ATRX: variants seen among roughly 807,000 people sequenced by gnomAD.
ATRX encodes ATRX chromatin remodeler.
A neutral mutation model predicts 172.6 loss-of-function variants in ATRX; 12 were observed. That is an observed-to-expected ratio of 0.07 (90% confidence interval 0.04 to 0.11). The LOEUF (loss-of-function observed/expected upper bound fraction) is 0.11. Among genes scored for constraint, ATRX ranks in the 10% least tolerant of loss-of-function variants. The probability of loss-of-function intolerance (pLI) is 1.00; values close to 1 mark genes in which losing one functional copy is unlikely to be tolerated. For synonymous variants in ATRX, 674 were observed against 594.7 expected, an observed-to-expected ratio of 1.13 and a Z score of -1.94; for missense variants, 1,368 against 1,767.4, an observed-to-expected ratio of 0.77 and a Z score of 4.05.
intron 27 of ATRX, among the ~76,000 whole-genome samples, chrX:77,578,237 C>T (rs1480041841): frequency 9.9e-5 from 11 of 111,585 alleles, no homozygotes; most frequent in African/African-American, 3.6e-4. Context: ...GCCACAAGGA[C>T]TGCAACTTCT....
chrX:77,617,474 C>T (rs1808885226), intron 21 of ATRX, among the ~76,000 whole-genome samples: 1 of 110,894 alleles, frequency 9.0e-6, no homozygotes, highest in Non-Finnish European at 1.9e-5. Context: ...GAACCCACCC[C>T]ACCTCCACAG....
intron 25 of ATRX, chrX:77,596,949 A>G (rs1409241895): frequency 9.0e-6 from 1 of 111,209 alleles, no homozygotes; most frequent in Non-Finnish European, 1.9e-5. Flanking sequence ...AAAAAATTCA[A>G]CAAGAGTATT....
At chrX:77,587,650 A>G (rs1486238760) in intron 27 of ATRX, among the ~76,000 whole-genome samples, 7 of 112,191 alleles carry the variant, frequency 6.2e-5, no homozygotes, top group African/African-American at 2.3e-4. Flanking sequence ...CATTCAGATT[A>G]GAAAGGAAAT....
chrX:77,744,781 A>T (rs1215388746), intron 1 of ATRX, among the ~76,000 whole-genome samples: 1 of 110,962 alleles, frequency 9.0e-6, no homozygotes, highest in Non-Finnish European at 1.9e-5. Flanking sequence ...TGAGTCGAGG[A>T]GTTCGAGACC....
chrX:77,677,365 A>G (rs1288511330), intron 9 of ATRX, among the ~76,000 whole-genome samples: 1 of 111,745 alleles, frequency 8.9e-6, no homozygotes, highest in Non-Finnish European at 1.9e-5. Context: ...TAGCAAAATT[A>G]CAGTGATAAA....
intron 23 of ATRX, among the ~76,000 whole-genome samples, 159 bp downstream of exon 23, chrX:77,600,275 C>G (rs1557086458): frequency 9.0e-6 from 1 of 111,365 alleles, no homozygotes; most frequent in Non-Finnish European, 1.9e-5. Context: ...ATTTAACACT[C>G]CTATAATCAT....
chrX:77,657,439 T>C (rs1472598769), intron 12 of ATRX, among the ~76,000 whole-genome samples: 2 of 111,595 alleles, frequency 1.8e-5, no homozygotes, highest in African/African-American at 3.3e-5. Context: ...CAACATCTTA[T>C]AGTGCCAGAA....
intron 1 of ATRX, among the ~76,000 whole-genome samples, chrX:77,717,764 A>C (rs1557166246): frequency 9.0e-6 from 1 of 111,536 alleles, no homozygotes; most frequent in African/African-American, 3.3e-5. Flanking sequence ...TGTACTCTAT[A>C]TGATGTGTTT....
chrX:77,783,969 T>C (rs992172565), intron 1 of ATRX, among the ~76,000 whole-genome samples: 2 of 112,408 alleles, frequency 1.8e-5, no homozygotes, highest in African/African-American at 6.5e-5. Context: ...AAATGTAACA[T>C]TATAAACAGC....
intron 22 of ATRX, among the ~76,000 whole-genome samples, chrX:77,613,655 G>A (rs1202547398): frequency 8.9e-6 from 1 of 111,931 alleles, no homozygotes; most frequent in African/African-American, 3.2e-5. Context: ...ACACAGGCAG[G>A]TCCTAGAACC....
intron 7 of ATRX, among the ~76,000 whole-genome samples, chrX:77,685,826 C>T (rs538632537): frequency 1.7e-4 from 19 of 111,440 alleles, no homozygotes; most frequent in African/African-American, 3.6e-4. Flanking sequence ...AAATAAAATG[C>T]GGTACATATA....
In ATRX at chrX:77,642,398, G is replaced by A. The variant is rs192125542; in HGVS notation, c.4558-6342C>T. 3.6e-5 allele frequency among the ~76,000 whole-genome samples: 4 copies of A among 111,526 alleles called. No homozygotes were observed. The East Asian group carries it at 8.4e-4, about 23-fold the overall frequency. The stretch of plus-strand genomic sequence containing the variant: ...GCACATGCAGAGGAGCAAAGATGAA[G>A]GAAAAAGGAGAAAGATAACAAACAA... On this transcript the variant is annotated intron_variant, in intron 15 of 34. Transcript: ENST00000373344.
At chrX:77,531,959 A>G (rs1557046536) in intron 30 of ATRX, among the ~76,000 whole-genome samples, 1 of 111,989 alleles carries the variant, frequency 8.9e-6, no homozygotes, top group Non-Finnish European at 1.9e-5. Flanking sequence ...TCAATGTGTA[A>G]AAATTACTAG....
At chrX:77,774,681 A>G (rs974954639) in intron 1 of ATRX, among the ~76,000 whole-genome samples, 4 of 110,986 alleles carry the variant, frequency 3.6e-5, no homozygotes, top group African/African-American at 1.3e-4. Flanking sequence ...TGTCTCAAAA[A>G]AAAAAAAATG....
At chrX:77,675,275 C>A (rs1230167733) in intron 10 of ATRX, 1 of 111,826 alleles carries the variant, frequency 8.9e-6, no homozygotes, top group African/African-American at 3.2e-5. Flanking sequence ...TTTTTTGGTA[C>A]TAGAATTACA....
intron 11 of ATRX, 28 bp downstream of exon 11, chrX:77,664,617 A>T (rs1180713148): frequency 8.3e-7 from 1 of 1,207,311 alleles, no homozygotes; most frequent in South Asian, 1.8e-5. Context: ...AAATTATGAC[A>T]TTATAAACTT....
At chrX:77,607,708 C>CAAAAAA (rs35946932) in intron 22 of ATRX, among the ~76,000 whole-genome samples, 1 of 41,154 alleles carries the variant, frequency 2.4e-5, no homozygotes, top group Non-Finnish European at 4.2e-5. Flanking sequence ...GACTCTGTCT[C>CAAAAAA]AAAAAAAAAA....
chrX:77,538,043 T>C (rs1557049074), intron 30 of ATRX, among the ~76,000 whole-genome samples: 3 of 108,321 alleles, frequency 2.8e-5, no homozygotes, highest in African/African-American at 6.7e-5. Flanking sequence ...GGGGTGAGGG[T>C]TGAGGGGAGG....
chrX:77,766,313 G>A (rs1220003048), intron 1 of ATRX, among the ~76,000 whole-genome samples: 38 of 109,222 alleles, frequency 3.5e-4, no homozygotes, highest in African/African-American at 1.2e-3. Context: ...CTGGCCGGGC[G>A]GGGGGCTGAC....
Sources: gnomAD v4.1 joint callset for allele counts (sites outside exome capture counted in the v4.1 genomes callset) on GRCh38, gnomAD v4.1.1 for gene constraint, MANE v1.5 for transcripts, NCBI Gene and HGNC (gene_info 2026-07-23, HGNC 2026-07-21) for gene names.